The following CENPB variants were observed in gnomAD, a reference collection of about 807,000 sequenced individuals.
CENPB encodes centromere protein B.
Under a neutral mutation model 41.9 loss-of-function variants are expected in CENPB, and 19 were observed. That is an observed-to-expected ratio of 0.45 (90% CI 0.32 to 0.67). CENPB has a LOEUF of 0.67. Ranked by LOEUF, CENPB falls within the 30% of genes least tolerant of loss-of-function variation. The pLI is 0.04. For synonymous variants in CENPB, 399 were observed against 354.4 expected (o/e 1.13, Z -1.41); for missense variants, 614 against 816.2 (o/e 0.75, Z 3.02).
chr20:3,784,498 G>A lies in CENPB; in HGVS notation c.*186C>T. 1 of 639,224 alleles carries A rather than the reference G, an allele frequency of 1.6e-6. No individual in the cohort carries two copies. The highest frequency in any genetic ancestry group is 2.7e-6 in the Non-Finnish European group (1 of 369,150). 39.6% of individuals were successfully genotyped at this position (639,224 alleles called of 1,614,324 possible). On this transcript the variant is annotated 3_prime_UTR_variant, in exon 1 of 1. Coordinates refer to ENST00000379751, the MANE Select transcript of CENPB (RefSeq NM_001810.6). This position sits in a 1 kb window ranked among gnomAD's most constrained non-coding sequence, Gnocchi z 5.2. ...ATTCTGAGAAAGAGGCAATAAGCAG[G>A]CAGTGAGGCTGACCTCAGCCCCGGG... is the stretch of plus-strand genomic sequence containing the variant.
chr20:3,785,384 A>G lies in CENPB; in HGVS notation c.1100T>C (p.Phe367Ser), dbSNP rs148399929. ...LQLGLTEALH[F>S]VAAAWQAVEP... is the part of the protein sequence containing the mutation. Reference sequence around the variant, plus strand: ...CACTGCCTGCCAGGCGGCAGCCACAAAGTGCAGGGCCTCCGTGAGACCCAG... The same window carrying G: ...CACTGCCTGCCAGGCGGCAGCCACAGAGTGCAGGGCCTCCGTGAGACCCAG... Residue 367 changes from phenylalanine to serine, a missense_variant, in exon 1 of 1, where the codon TTT becomes TCT. Phe to Ser is a radical substitution (Grantham distance 155). Around this residue, in one of 2 missense-constraint regions of CENPB, gnomAD observed 537 missense variants for 629.4 expected, o/e 0.85. Coordinates refer to ENST00000379751, the MANE Select transcript of CENPB (RefSeq NM_001810.6). The G allele has an allele frequency of 1.1e-5, 18 of 1,603,398 alleles. No homozygotes were observed. The highest frequency in any genetic ancestry group is 3.4e-5 in the Admixed American group (2 of 58,772).
chr20:3,785,019 C>T lies in CENPB; in HGVS notation c.1465G>A (p.Ala489Thr). ...TGGGCTTCCTCCTGGGCACCATAAGCCCCGAAGCTGCCACCGGCCTCCACT... is the reference window on the plus strand; with the variant it reads ...TGGGCTTCCTCCTGGGCACCATAAGTCCCGAAGCTGCCACCGGCCTCCACT... The part of the protein sequence containing the change: ...GVVEAGGSFG[A>T]YGAQEEAQCP... The change falls in exon 1 of 1, where the codon GCT (alanine) becomes ACT (threonine). Residue 489 changes from alanine to threonine, a missense_variant. Around this residue, in one of 2 missense-constraint regions of CENPB, gnomAD observed 537 missense variants for 629.4 expected, o/e 0.85. Transcript: ENST00000379751. 1 of 1,614,060 alleles carries T rather than the reference C, an allele frequency of 6.2e-7. No homozygotes were observed. Among genetic ancestry groups the T allele is most frequent in the Non-Finnish European group, 8.5e-7 (1 of 1,180,016 alleles).
chr20:3,784,517 C>T lies in CENPB; in HGVS notation c.*167G>A. The T allele has an allele frequency of 1.4e-6, 1 of 732,952 alleles. No individual in the cohort carries two copies. The highest frequency in any genetic ancestry group is 2.2e-6 in the Non-Finnish European group (1 of 445,918). The allele number at this position is 732,952 out of a possible 1,614,324, so 45.4% of individuals were successfully genotyped here. A position where few individuals can be genotyped will look rare whatever the true frequency, so the allele number is the denominator to read the frequency against. ...AAGCAGGCAGTGAGGCTGACCTCAG[C>T]CCCGGGCCCGGCCGAGGTGACCGGG... On this transcript the variant is annotated 3_prime_UTR_variant, in exon 1 of 1. Coordinates refer to ENST00000379751, the MANE Select transcript of CENPB (RefSeq NM_001810.6). The surrounding 1 kb of genome is among the most constrained non-coding windows in gnomAD (Gnocchi z 5.2).
chr20:3,786,000 A>G lies in CENPB; in HGVS notation c.484T>C (p.Ser162Pro). The change falls in exon 1 of 1, where the codon TCG (serine) becomes CCG (proline). Residue 162 changes from serine (S) to proline (P), a missense_variant. This residue lies in a region of CENPB where 537 missense variants were observed against 629.4 expected (regional missense o/e 0.85). Coordinates refer to ENST00000379751, the MANE Select transcript of CENPB (RefSeq NM_001810.6). ...GTAGTGCTCCCGCCACTGCCCTCCG[A>G]GGGCACCGCGGCCGGACTGGCAGGC... Reference protein sequence around the residue: ...AAPASPAAVPSEGSGGSTTGW... With the variant: ...AAPASPAAVPPEGSGGSTTGW... 1.4e-6 allele frequency: 2 copies of G among 1,476,098 alleles called. No individual in the cohort carries two copies. Among genetic ancestry groups the G allele is most frequent in the Non-Finnish European group, 1.8e-6 (2 of 1,126,728 alleles). 91.4% of individuals were successfully genotyped at this position (1,476,098 alleles called of 1,614,324 possible).
At position 3,785,376 on chromosome 20, in the gene CENPB, C is replaced by T. The variant is rs1157325288; in HGVS notation, c.1108G>A (p.Ala370Thr). 6.2e-7 allele frequency: 1 copy of T among 1,603,180 alleles called. No individual in the cohort carries two copies. The highest frequency in any genetic ancestry group is 8.5e-7 in the Non-Finnish European group (1 of 1,175,800). Residue 370 changes from alanine to threonine, a missense_variant, in exon 1 of 1, where the codon GCC becomes ACC. By Grantham distance (58) the Ala-to-Thr change is moderately conservative. Coordinates refer to ENST00000379751, the MANE Select transcript of CENPB (RefSeq NM_001810.6). ...GLTEALHFVA[A>T]AWQAVEPSDI... ...GAAGGCTCCACTGCCTGCCAGGCGG[C>T]AGCCACAAAGTGCAGGGCCTCCGTG...
Position 3,785,859 on chromosome 20 carries a change from C to A in CENPB, c.625G>T (p.Ala209Ser), listed in dbSNP as rs1181946654. 2 of 1,608,348 alleles carry A rather than the reference C, an allele frequency of 1.2e-6. No individual in the cohort carries two copies. The highest frequency in any genetic ancestry group is 1.7e-6 in the Non-Finnish European group (2 of 1,178,362). Residue 209 changes from alanine to serine, a missense_variant, in exon 1 of 1, where the codon GCG becomes TCG. By Grantham distance (99) the Ala-to-Ser change is moderately conservative. This residue lies in a region of CENPB where 537 missense variants were observed against 629.4 expected (regional missense o/e 0.85). Coordinates refer to ENST00000379751, the MANE Select transcript of CENPB (RefSeq NM_001810.6). The stretch of plus-strand genomic sequence containing the variant: ...CGTCCGTCGCCTCCGCACAGCCCCG[C>A]GGCCTGGTCGGGCAGGAAGTCGTAC... ...LWYDFLPDQA[A>S]GLCGGDGRPR...
chr20:3,785,830 C>A lies in CENPB; in HGVS notation c.654G>T (p.Pro218=). 1 of 1,608,846 alleles carries A rather than the reference C, an allele frequency of 6.2e-7. No individual in the cohort carries two copies. The highest frequency in any genetic ancestry group is 8.5e-7 in the Non-Finnish European group (1 of 1,178,070). The part of the protein sequence containing the change: ...AAGLCGGDGR[P]RQATQRLSVL... Reference sequence around the variant, plus strand: ...CGCTCAGGCGCTGGGTGGCTTGACGCGGCCGTCCGTCGCCTCCGCACAGCC... The same window carrying A: ...CGCTCAGGCGCTGGGTGGCTTGACGAGGCCGTCCGTCGCCTCCGCACAGCC... Residue 218 remains proline (P), a synonymous_variant, in exon 1 of 1, where the codon CCG becomes CCT. Transcript: ENST00000379751.
chr20:3,784,885 C>CTCA lies in CENPB; in HGVS notation c.1596_1598dup (p.Asp532dup), dbSNP rs775414219. 3.1e-6 allele frequency: 5 copies of CTCA among 1,613,750 alleles called. No individual in the cohort carries two copies. The highest frequency in any genetic ancestry group is 4.2e-6 in the Non-Finnish European group (5 of 1,179,842). On this transcript the variant is annotated inframe_insertion, in exon 1 of 1. Coordinates refer to ENST00000379751, the MANE Select transcript of CENPB (RefSeq NM_001810.6). The surrounding 1 kb of genome is among the most constrained non-coding windows in gnomAD (Gnocchi z 5.2). Reference sequence around the variant, plus strand: ...GTACAGGCACCTCATCACCATCCTCCTCATCATCATCGTCGTCTTCATCTT... The same window carrying CTCA: ...GTACAGGCACCTCATCACCATCCTCCTCATCATCATCATCGTCGTCTTCATCTT...
rs200852448 is a variant in CENPB, at chr20:3,786,298, G to A, written c.186C>T (p.Ala62=). 106 of 1,607,560 alleles carry A rather than the reference G, an allele frequency of 6.6e-5. 1 individual carries two copies. The East Asian group carries it at 2.2e-3, about 33-fold the overall frequency. The change falls in exon 1 of 1, where the codon GCC becomes GCT. Residue 62 remains alanine, a synonymous_variant. Coordinates refer to ENST00000379751, the MANE Select transcript of CENPB (RefSeq NM_001810.6). The part of the protein sequence containing the change: ...ILASERKYGV[A]STCRKTNKLS... The stretch of plus-strand genomic sequence containing the variant: ...GCTTGTTGGTCTTGCGGCAGGTGGA[G>A]GCCACCCCGTACTTGCGCTCCGACG...
In CENPB at chr20:3,786,044, G is replaced by T. The variant is rs542584402; in HGVS notation, c.440C>A (p.Ala147Asp). The T allele has an allele frequency of 1.3e-6, 2 of 1,482,114 alleles. No individual in the cohort carries two copies. Among genetic ancestry groups the T allele is most frequent in the African/African-American group, 1.5e-5 (1 of 68,378 alleles). The allele number at this position is 1,482,114 out of a possible 1,614,324, so 91.8% of individuals were successfully genotyped here. ...GGCAGGCGCCGCCGGGGTGCGGGGG[G>T]CAGCGTTTCGCGCGCGGGCGCGGGC... The part of the protein sequence containing the change: ...GVARARARNA[A>D]PRTPAAPASP... Residue 147 changes from alanine to aspartate, a missense_variant, in exon 1 of 1, where the codon GCC becomes GAC. This residue lies in a region of CENPB where 537 missense variants were observed against 629.4 expected (regional missense o/e 0.85). Coordinates refer to ENST00000379751, the MANE Select transcript of CENPB (RefSeq NM_001810.6).
rs1388440344 is a variant in CENPB, at chr20:3,785,316, C to T, written c.1168G>A (p.Gly390Arg). ...IAACFREAGF[G>R]GGPNATITTS... The stretch of plus-strand genomic sequence containing the variant: ...GTGATGGTGGCATTAGGGCCACCCC[C>T]AAAGCCAGCCTCACGAAAGCAGGCG... Residue 390 changes from glycine (G) to arginine (R), a missense_variant, in exon 1 of 1, where the codon GGG (glycine) becomes AGG (arginine). By Grantham distance (125) the Gly-to-Arg change is moderately radical. Coordinates refer to ENST00000379751, the MANE Select transcript of CENPB (RefSeq NM_001810.6). 2 of 1,599,362 alleles carry T rather than the reference C, an allele frequency of 1.3e-6. No individual in the cohort carries two copies. Among genetic ancestry groups the T allele is most frequent in the South Asian group, 1.1e-5 (1 of 89,134 alleles).
In CENPB at chr20:3,786,681, G is replaced by C. The variant is rs986280193; in HGVS notation, c.-198C>G. ...GGGGACGCCGGCGGGCGCGTCGCCGGGCGGCGGGCGGCAGGCGACGGGCGC... is the reference window on the plus strand; with the variant it reads ...GGGGACGCCGGCGGGCGCGTCGCCGCGCGGCGGGCGGCAGGCGACGGGCGC... On this transcript the variant is annotated 5_prime_UTR_variant, in exon 1 of 1. Coordinates refer to ENST00000379751, the MANE Select transcript of CENPB (RefSeq NM_001810.6). 31 of 146,358 alleles carry C rather than the reference G, an allele frequency of 2.1e-4. No homozygotes were observed. Among genetic ancestry groups the C allele is most frequent in the African/African-American group, 7.6e-4 (31 of 40,764 alleles). The allele number at this position is 146,358 out of a possible 1,614,324, so 9.1% of individuals were successfully genotyped here.
chr20:3,786,561 G>A lies in CENPB; in HGVS notation c.-78C>T, dbSNP rs1284892601. The A allele has an allele frequency of 8.7e-6, 3 of 343,602 alleles. No homozygotes were observed. Among genetic ancestry groups the A allele is most frequent in the Non-Finnish European group, 1.2e-5 (3 of 247,984 alleles). The allele number at this position is 343,602 out of a possible 1,614,324, so 21.3% of individuals were successfully genotyped here. The stretch of plus-strand genomic sequence containing the variant: ...GGGGGGCCCGGGCCCGTGGCGGGGG[G>A]CACCTGGCGGCCTCTCCCGCGCGCC... On this transcript the variant is annotated 5_prime_UTR_variant, in exon 1 of 1. Transcript: ENST00000379751.
At position 3,784,658 on chromosome 20, in the gene CENPB, T is replaced by C. The variant is rs930727352; in HGVS notation, c.*26A>G. 16 of 1,611,242 alleles carry C rather than the reference T, an allele frequency of 9.9e-6. No homozygotes were observed. The highest frequency in any genetic ancestry group is 3.3e-4 in the Middle Eastern group (2 of 6,060). ...CCTGGGGTGGTGCTGCCAATCTAGG[T>C]TGGGGGCACAGCTAGGTCCAGTGAC... On this transcript the variant is annotated 3_prime_UTR_variant, in exon 1 of 1. Transcript: ENST00000379751. This position sits in a 1 kb window ranked among gnomAD's most constrained non-coding sequence, Gnocchi z 5.2.
Position 3,786,177 on chromosome 20 carries a change from T to C in CENPB, c.307A>G (p.Lys103Glu). ...AGCTCCTCGGCTATGCGCAGCGCCT[T>C]CTCCTTGAGGATGATGCCCTTGACC... ...LPVKGIILKE[K>E]ALRIAEELGM... The change falls in exon 1 of 1, where the codon AAG (lysine) becomes GAG (glutamate). Residue 103 changes from lysine to glutamate, a missense_variant. Physicochemically the swap from Lys to Glu is moderately conservative, Grantham distance 56. Around this residue, in one of 2 missense-constraint regions of CENPB, gnomAD observed 77 missense variants for 186.8 expected, o/e 0.41. Coordinates refer to ENST00000379751, the MANE Select transcript of CENPB (RefSeq NM_001810.6). The C allele has an allele frequency of 6.2e-7, 1 of 1,600,116 alleles. No individual in the cohort carries two copies. The highest frequency in any genetic ancestry group is 8.5e-7 in the Non-Finnish European group (1 of 1,179,476).
chr20:3,785,037 C>A lies in CENPB; in HGVS notation c.1447G>T (p.Ala483Ser). Residue 483 changes from alanine to serine, a missense_variant, in exon 1 of 1, where the codon GCC becomes TCC. Physicochemically the swap from Ala to Ser is moderately conservative, Grantham distance 99. Coordinates refer to ENST00000379751, the MANE Select transcript of CENPB (RefSeq NM_001810.6). ...CCATAAGCCCCGAAGCTGCCACCGG[C>A]CTCCACTACTCCCTGGGCCCAGTCC... The part of the protein sequence containing the change: ...AEDWAQGVVE[A>S]GGSFGAYGAQ... 6.2e-7 allele frequency: 1 copy of A among 1,614,094 alleles called. No homozygotes were observed. The highest frequency in any genetic ancestry group is 1.3e-5 in the African/African-American group (1 of 74,990).
At position 3,784,890 on chromosome 20, in the gene CENPB, C is replaced by T. The variant is rs770661500; in HGVS notation, c.1594G>A (p.Asp532Asn). The T allele has an allele frequency of 6.2e-6, 10 of 1,613,974 alleles. No individual in the cohort carries two copies. The South Asian group carries it at 9.9e-5, about 16-fold the overall frequency. The change falls in exon 1 of 1, where the codon GAT becomes AAT. Residue 532 changes from aspartate to asparagine, a missense_variant. Asp to Asn is a conservative substitution (Grantham distance 23). This residue lies in a region of CENPB where 537 missense variants were observed against 629.4 expected (regional missense o/e 0.85). Coordinates refer to ENST00000379751, the MANE Select transcript of CENPB (RefSeq NM_001810.6). The surrounding 1 kb of genome is among the most constrained non-coding windows in gnomAD (Gnocchi z 5.2). Reference sequence around the variant, plus strand: ...GGCACCTCATCACCATCCTCCTCATCATCATCGTCGTCTTCATCTTCATCA... The same window carrying T: ...GGCACCTCATCACCATCCTCCTCATTATCATCGTCGTCTTCATCTTCATCA... Reference protein sequence around the residue: ...EDDEDEDDDDDEEDGDEVPVP... With the variant: ...EDDEDEDDDDNEEDGDEVPVP...
chr20:3,786,536 GGGGGGCCCGGGCC>G lies in CENPB; in HGVS notation c.-66_-54del. 2.9e-6 allele frequency: 1 copy of G among 342,568 alleles called. No homozygotes were observed. Among genetic ancestry groups the G allele is most frequent in the Non-Finnish European group, 4.0e-6 (1 of 246,924 alleles). The allele number at this position is 342,568 out of a possible 1,614,324, so 21.2% of individuals were successfully genotyped here. On this transcript the variant is annotated 5_prime_UTR_variant, in exon 1 of 1. Coordinates refer to ENST00000379751, the MANE Select transcript of CENPB (RefSeq NM_001810.6). ...GGCGCCGCCGCCGCCGCCCCGGGGCGGGGGGCCCGGGCCCGTGGCGGGGGGCACCTGGCGGCCT... is the reference window on the plus strand; with the variant it reads ...GGCGCCGCCGCCGCCGCCCCGGGGCGCGTGGCGGGGGGCACCTGGCGGCCT...
rs767765779 is a variant in CENPB, at chr20:3,785,350, C to T, written c.1134G>A (p.Ser378=). 1 of 1,602,286 alleles carries T rather than the reference C, an allele frequency of 6.2e-7. No individual in the cohort carries two copies. The highest frequency in any genetic ancestry group is 1.3e-5 in the African/African-American group (1 of 74,796). ...CCTCACGAAAGCAGGCGGCTATGTC[C>T]GAAGGCTCCACTGCCTGCCAGGCGG... The part of the protein sequence containing the change: ...VAAAWQAVEP[S]DIAACFREAG... The change falls in exon 1 of 1, where the codon TCG becomes TCA. Residue 378 remains serine (S), a synonymous_variant. Coordinates refer to ENST00000379751, the MANE Select transcript of CENPB (RefSeq NM_001810.6).
Sources: gnomAD v4.1 joint callset for allele counts on GRCh38, gnomAD v4.1.1 for gene constraint, gnomAD v4.1.1 regional missense constraint, Gnocchi (gnomAD v3.1) non-coding constraint, MANE v1.5 for transcripts, NCBI Gene and HGNC (gene_info 2026-07-23, HGNC 2026-07-21) for gene names.